The following ROBO2 variants were observed in gnomAD, a reference collection of about 807,000 sequenced individuals.
ROBO2 encodes roundabout homolog 2.
ROBO2 carries 53 observed loss-of-function variants against 160.8 expected under a neutral mutation model. That is an observed-to-expected ratio of 0.33 (90% confidence interval 0.26 to 0.41). ROBO2 has a LOEUF of 0.41. Among genes scored for constraint, ROBO2 ranks in the 10% least tolerant of loss-of-function variants. The pLI is 1.00. For missense variants in ROBO2, 1,577 were observed against 1,722.4 expected (o/e 0.92, Z 1.49); for synonymous variants, 664 against 611.7 (o/e 1.09, Z -1.26).
intron 4 of ROBO2, among the ~76,000 whole-genome samples, chr3:77,491,881 A>G (rs2086165020): frequency 6.6e-6 from 1 of 152,170 alleles, no homozygotes; most frequent in South Asian, 2.1e-4. Context: ...TTCCTTCTAA[A>G]TGCCAATGGT....
At chr3:77,441,638 G>A (rs58548325) in intron 2 of ROBO2, among the ~76,000 whole-genome samples, 4,045 of 152,192 alleles carry the variant, frequency 0.027, 185 homozygotes, top group African/African-American at 0.092. Flanking sequence ...TGGGACAGAG[G>A]CCTTTGGGAT....
chr3:77,373,276 A>G (rs2072085626), intron 2 of ROBO2, among the ~76,000 whole-genome samples: 2 of 150,960 alleles, frequency 1.3e-5, no homozygotes, highest in South Asian at 2.1e-4. Context: ...TCCAGAGATT[A>G]TCAAGCCATA....
chr3:77,057,405 ACAT>A (rs1377748567), intron 1 of ROBO2, among the ~76,000 whole-genome samples: 1 of 152,074 alleles, frequency 6.6e-6, no homozygotes, highest in Non-Finnish European at 1.5e-5. Flanking sequence ...GCACATGTAC[ACAT>A]ATGTAACAAA....
Position 77,286,694 on chromosome 3 carries a change from G to A in ROBO2, c.388+188354G>A, listed in dbSNP as rs145947851. Among the ~76,000 whole-genome samples, 462 of 152,262 alleles carry A rather than the reference G, an allele frequency of 3.0e-3. 2 individuals are homozygous for A. Among genetic ancestry groups the A allele is most frequent in the African/African-American group, 0.011 (448 of 41,546 alleles). ...TTTATCTATGTCTGTTAAACCATAT[G>A]CTGAAACTGTTTTCTGCTTTCTTCA... On this transcript the variant is annotated intron_variant, in intron 2 of 25. Coordinates refer to ENST00000461745, the Ensembl canonical transcript of ROBO2.
chr3:76,287,293 T>C (rs1708550003), intron 2 of ROBO2, among the ~76,000 whole-genome samples: 1 of 149,180 alleles, frequency 6.7e-6, no homozygotes, highest in African/African-American at 2.6e-5. Context: ...TTTCTTTTTT[T>C]TCTTTTCTTT....
chr3:77,134,918 T>C (rs2076153865), intron 2 of ROBO2, among the ~76,000 whole-genome samples: 3 of 152,220 alleles, frequency 2.0e-5, no homozygotes, highest in Admixed American at 2.0e-4. Flanking sequence ...ATGATAAATA[T>C]GGTATCTGCC....
chr3:76,687,190 T>C (rs1446936971), intron 2 of ROBO2, among the ~76,000 whole-genome samples: 1 of 152,078 alleles, frequency 6.6e-6, no homozygotes, highest in Non-Finnish European at 1.5e-5. Flanking sequence ...GTATTATTGA[T>C]CATAGCACAG....
At chr3:77,041,137 G>T (rs2064051941) in intron 1 of ROBO2, among the ~76,000 whole-genome samples, 1 of 152,208 alleles carries the variant, frequency 6.6e-6, no homozygotes, top group Non-Finnish European at 1.5e-5. Flanking sequence ...GTTAGAAAAA[G>T]AAATATTACA....
chr3:76,510,489 C>T (rs1405699157), intron 2 of ROBO2, among the ~76,000 whole-genome samples: 2 of 152,078 alleles, frequency 1.3e-5, no homozygotes, highest in Admixed American at 1.3e-4. Flanking sequence ...TTTGCGAAGC[C>T]GAGGTGGGTG....
At chr3:77,092,489 C>T (rs2070428343) in intron 1 of ROBO2, among the ~76,000 whole-genome samples, 1 of 150,006 alleles carries the variant, frequency 6.7e-6, no homozygotes, top group African/African-American at 2.4e-5. Context: ...GGATGTTCAT[C>T]TTTAGGATCC....
chr3:76,161,262 A>T (rs2072624718), intron 2 of ROBO2, among the ~76,000 whole-genome samples: 1 of 152,138 alleles, frequency 6.6e-6, no homozygotes. Flanking sequence ...GTTTCTAATC[A>T]AATTTGATCC....
At chr3:76,274,820 G>A (rs1707823524) in intron 2 of ROBO2, among the ~76,000 whole-genome samples, 1 of 145,184 alleles carries the variant, frequency 6.9e-6, no homozygotes, top group South Asian at 2.2e-4. Flanking sequence ...CTGGGCAACA[G>A]AGTGAGACTC....
intron 2 of ROBO2, among the ~76,000 whole-genome samples, chr3:76,720,738 A>T (rs1018990604): frequency 2.6e-5 from 4 of 152,226 alleles, no homozygotes; most frequent in Admixed American, 1.3e-4. Flanking sequence ...TTCCAATTAA[A>T]ATAGAGATTT....
chr3:75,976,111 T>C (rs2065126474), intron 2 of ROBO2, among the ~76,000 whole-genome samples: 1 of 151,522 alleles, frequency 6.6e-6, no homozygotes, highest in Non-Finnish European at 1.5e-5. Flanking sequence ...TCAGTATCCA[T>C]GCAAATGGGA....
chr3:77,219,181 G>T (rs1447368954), intron 2 of ROBO2, among the ~76,000 whole-genome samples: 1 of 151,616 alleles, frequency 6.6e-6, no homozygotes, highest in Non-Finnish European at 1.5e-5. Flanking sequence ...TGTTGGCAAG[G>T]CTGGTCTCGA....
intron 2 of ROBO2, among the ~76,000 whole-genome samples, chr3:77,469,696 T>C (rs750952741): frequency 6.6e-6 from 1 of 152,230 alleles, no homozygotes; most frequent in South Asian, 2.1e-4. Flanking sequence ...TATATGAGTA[T>C]GTAGATAGGC....
intron 2 of ROBO2, among the ~76,000 whole-genome samples, chr3:76,940,690 A>G (rs1386476016): frequency 6.6e-6 from 1 of 152,154 alleles, no homozygotes; most frequent in Non-Finnish European, 1.5e-5. Flanking sequence ...TGATCTTACA[A>G]CTGATCTCAC....
intron 2 of ROBO2, among the ~76,000 whole-genome samples, chr3:77,243,696 T>A (rs1165218181): frequency 6.6e-6 from 1 of 152,214 alleles, no homozygotes; most frequent in East Asian, 1.9e-4. Flanking sequence ...GTCAATTTAG[T>A]GAGCGCGGCC....
intron 2 of ROBO2, among the ~76,000 whole-genome samples, chr3:76,781,332 T>C (rs2062631300): frequency 6.6e-6 from 1 of 150,714 alleles, no homozygotes; most frequent in East Asian, 1.9e-4. Flanking sequence ...GTTTTCTATA[T>C]ATAAGATCAG....
Sources: allele counts gnomAD v4.1 joint callset (sites outside exome capture counted in the v4.1 genomes callset), GRCh38; gene constraint gnomAD v4.1.1; transcripts MANE v1.5; gene names NCBI Gene and HGNC (gene_info 2026-07-23, HGNC 2026-07-21).